MRPS25: variants seen among roughly 807,000 people sequenced by gnomAD.
MRPS25 encodes the protein mitochondrial ribosomal protein S25.
A neutral mutation model predicts 17.3 loss-of-function variants in MRPS25; 15 were observed. That is an observed-to-expected ratio of 0.87 (90% CI 0.58 to 1.34). The LOEUF is 1.34. Among genes scored for constraint, MRPS25 ranks in the 40% most tolerant of loss-of-function variants. The pLI, the probability that MRPS25 is intolerant of heterozygous loss-of-function variation, is 0.00. For synonymous variants in MRPS25, 94 were observed against 83.3 expected (o/e 1.13, Z -0.70); for missense variants, 225 against 218.6 (o/e 1.03, Z -0.19).
chr3:15,052,624 G>A lies in MRPS25; in HGVS notation c.339C>T (p.Leu113=). 3 of 1,613,792 alleles carry A rather than the reference G, an allele frequency of 1.9e-6. No individual in the cohort carries two copies. Among genetic ancestry groups the A allele is most frequent in the Non-Finnish European group, 2.5e-6 (3 of 1,179,872 alleles). Reference sequence around the variant, plus strand: ...GCTTTTTCTCCTCCTCCTCTTCCCTGAGGGTTTCCCTGCCAAAGAGCACAG... The same window carrying A: ...GCTTTTTCTCCTCCTCCTCTTCCCTAAGGGTTTCCCTGCCAAAGAGCACAG... ...RKILGKNEET[L]REEEEEKKQL... The change falls in exon 4 of 4, where the codon CTC becomes CTT. Residue 113 remains leucine, a synonymous_variant. Coordinates refer to ENST00000253686, the MANE Select transcript of MRPS25 (RefSeq NM_022497.5).
At position 15,059,463 on chromosome 3, in the gene MRPS25, A is replaced by G. The variant is rs1048238374; in HGVS notation, c.147T>C (p.Phe49=). Residue 49 remains phenylalanine (F), a synonymous_variant, in exon 2 of 4, where the codon TTT becomes TTC. Coordinates refer to ENST00000253686, the MANE Select transcript of MRPS25 (RefSeq NM_022497.5). The stretch of plus-strand genomic sequence containing the variant: ...TGTATTGAATCTGAGGTATGTTGAA[A>G]AACACAAACTTCCTGCAAAAGGGAA... ...ELGEGARKFV[F]FNIPQIQYKN... The G allele has an allele frequency of 2.0e-5, 32 of 1,611,878 alleles. No individual in the cohort carries two copies. In the Admixed American group the frequency reaches 4.0e-4, roughly 20 times the overall value.
intron 1 of MRPS25, among the ~76,000 whole-genome samples, chr3:15,061,083 A>G (rs1024341645): frequency 1.3e-5 from 2 of 152,160 alleles, no homozygotes; most frequent in African/African-American, 4.8e-5. Flanking sequence ...AAACTAGGAC[A>G]TAGCCAGGTG....
At chr3:15,046,000 A>G (rs1010893546), downstream of MRPS25, 4 of 152,256 alleles carry the variant, frequency 2.6e-5, no homozygotes, top group African/African-American at 9.6e-5. Context: ...ATCATTACAC[A>G]TTAGCATAAA....
At chr3:15,056,892 G>A (rs571759148) in intron 2 of MRPS25, among the ~76,000 whole-genome samples, 44 of 152,338 alleles carry the variant, frequency 2.9e-4, no homozygotes, top group Non-Finnish European at 5.0e-4. Context: ...AGTGCAACAC[G>A]GCACAATCGC....
rs923762428 is a variant in MRPS25, at chr3:15,051,874, G to A, written c.*567C>T. On this transcript the variant is annotated 3_prime_UTR_variant, in exon 4 of 4. Transcript: ENST00000253686. The stretch of plus-strand genomic sequence containing the variant: ...TGGGGCTCCTCCATCTCTGGCCCAT[G>A]GCTAGGCCCCCCAGCAGGCAAGGGT... 2.0e-6 allele frequency: 2 copies of A among 985,292 alleles called. No individual in the cohort carries two copies. The highest frequency in any genetic ancestry group is 6.2e-5 in the Admixed American group (1 of 16,254). The allele number at this position is 985,292 out of a possible 1,614,324, so 61.0% of individuals were successfully genotyped here.
At chr3:15,057,654 T>A (rs2042690443) in intron 2 of MRPS25, among the ~76,000 whole-genome samples, 1 of 152,252 alleles carries the variant, frequency 6.6e-6, no homozygotes, top group African/African-American at 2.4e-5. Context: ...AGGAACTTCC[T>A]GCAGTGCTGG....
At chr3:15,058,213 G>A (rs538662698) in intron 2 of MRPS25, among the ~76,000 whole-genome samples, 103 of 146,266 alleles carry the variant, frequency 7.0e-4, no homozygotes, top group African/African-American at 2.4e-3. Flanking sequence ...TTTTTGAGAC[G>A]GAGTCTTGCT....
intron 2 of MRPS25, among the ~76,000 whole-genome samples, chr3:15,056,876 G>A (rs1172317171): frequency 2.0e-5 from 3 of 152,260 alleles, no homozygotes; most frequent in Non-Finnish European, 4.4e-5. Context: ...TCCACCCTGT[G>A]ACTGGAGTGC....
Position 15,049,653 on chromosome 3 carries a change from A to G in MRPS25, c.*2788T>C. On this transcript the variant is annotated 3_prime_UTR_variant, in exon 4 of 4. Transcript: ENST00000253686. ...TCTAAGGATACGTGCTATCAAGGGCAAAAACAAGCTCCAAAAGTTTCAGAA... is the reference window on the plus strand; with the variant it reads ...TCTAAGGATACGTGCTATCAAGGGCGAAAACAAGCTCCAAAAGTTTCAGAA... 1 of 534,676 alleles carries G rather than the reference A, an allele frequency of 1.9e-6. No homozygotes were observed. The highest frequency in any genetic ancestry group is 2.6e-5 in the South Asian group (1 of 38,940). 33.1% of individuals were successfully genotyped at this position (534,676 alleles called of 1,614,324 possible).
chr3:15,052,554 G>A lies in MRPS25; in HGVS notation c.409C>T (p.Arg137Trp), dbSNP rs12497. The change falls in exon 4 of 4, where the codon CGG becomes TGG. Residue 137 changes from arginine to tryptophan, a missense_variant. Physicochemically the swap from Arg to Trp is moderately radical, Grantham distance 101. Transcript: ENST00000253686. ...CCTTCCACTTCACAGATGCACTCCC[G>A]CAGGCAGTACTTTCGAGGGCCGAAG... ...ANFGPRKYCL[R>W]ECICEVEGQV... The A allele has an allele frequency of 1.5e-4, 243 of 1,614,110 alleles. No individual in the cohort carries two copies. The African/African-American group carries it at 1.8e-3, about 12-fold the overall frequency.
chr3:15,054,350 C>T (rs1057117775), intron 2 of MRPS25, among the ~76,000 whole-genome samples: 3 of 152,124 alleles, frequency 2.0e-5, no homozygotes, highest in South Asian at 2.1e-4. Flanking sequence ...CAACAAATGG[C>T]GCTGGGATAA....
chr3:15,049,475 C>T lies in MRPS25; in HGVS notation c.*2966G>A, dbSNP rs2042568481. On this transcript the variant is annotated 3_prime_UTR_variant, in exon 4 of 4. Transcript: ENST00000253686. ...ACTTATTAATACCTTTAGTGGGAAA[C>T]CCTGGCAGGACAGTCTTTACATCCA... is the stretch of plus-strand genomic sequence containing the variant. 4.8e-6 allele frequency: 1 copy of T among 208,282 alleles called. No individual in the cohort carries two copies. Among genetic ancestry groups the T allele is most frequent in the Admixed American group, 6.2e-5 (1 of 16,212 alleles). The allele number at this position is 208,282 out of a possible 1,614,324, so 12.9% of individuals were successfully genotyped here. A position where few individuals can be genotyped will look rare whatever the true frequency, so the allele number is the denominator to read the frequency against.
At chr3:15,055,898 C>G (rs2042665012) in intron 2 of MRPS25, among the ~76,000 whole-genome samples, 1 of 127,200 alleles carries the variant, frequency 7.9e-6, no homozygotes, top group South Asian at 2.3e-4. Flanking sequence ...AAGAAAGCAG[C>G]CCGTTTTTTT....
downstream of MRPS25, chr3:15,043,155 A>G (rs2042330809): frequency 3.3e-6 from 2 of 612,024 alleles, no homozygotes; most frequent in Non-Finnish European, 5.0e-6. Flanking sequence ...AATCCCAGAC[A>G]ATAGCAATTA....
rs1481761473 is a variant in MRPS25, at chr3:15,049,766, T to C, written c.*2675A>G. On this transcript the variant is annotated 3_prime_UTR_variant, in exon 4 of 4. Transcript: ENST00000253686. ...AAGTCTGATGCATGACAGAACTCAC[T>C]GGCAGGCAGATAGGGCCTCACTCCG... 2 of 672,632 alleles carry C rather than the reference T, an allele frequency of 3.0e-6. No individual in the cohort carries two copies. The highest frequency in any genetic ancestry group is 3.7e-5 in the African/African-American group (2 of 54,034). 41.7% of individuals were successfully genotyped at this position (672,632 alleles called of 1,614,324 possible).
chr3:15,057,126 G>GC (rs923493637), intron 2 of MRPS25, among the ~76,000 whole-genome samples: 1 of 152,228 alleles, frequency 6.6e-6, no homozygotes, highest in African/African-American at 2.4e-5. Context: ...TGAGCTGACA[G>GC]CCCTGTGGAG....
chr3:15,053,250 G>A (rs544186319), intron 3 of MRPS25, 130 bp downstream of exon 3: 2 of 1,511,482 alleles, frequency 1.3e-6, no homozygotes, highest in African/African-American at 2.8e-5. Context: ...TACAGCCCCA[G>A]CTCTTATTAG....
At chr3:15,048,298 T>A (rs968489101), downstream of MRPS25, 1 of 152,666 alleles carries the variant, frequency 6.6e-6, no homozygotes, top group African/African-American at 2.4e-5. Flanking sequence ...ACAATCACGC[T>A]ATTGAAAGTG....
rs1189194817 is a variant in MRPS25, at chr3:15,051,956, A to G, written c.*485T>C. The stretch of plus-strand genomic sequence containing the variant: ...ACGAAGGGTTGCCTTTGGATTTCTG[A>G]AAAATACCCCCAAGGAACTGAACGG... On this transcript the variant is annotated 3_prime_UTR_variant, in exon 4 of 4. Coordinates refer to ENST00000253686, the MANE Select transcript of MRPS25 (RefSeq NM_022497.5). 3.5e-5 allele frequency: 35 copies of G among 986,090 alleles called. No individual in the cohort carries two copies. The highest frequency in any genetic ancestry group is 4.2e-5 in the Non-Finnish European group (35 of 830,540). 61.1% of individuals were successfully genotyped at this position (986,090 alleles called of 1,614,324 possible). A position where few individuals can be genotyped will look rare whatever the true frequency, so the allele number is the denominator to read the frequency against.
Sources: allele counts gnomAD v4.1 joint callset (sites outside exome capture counted in the v4.1 genomes callset), GRCh38; gene constraint gnomAD v4.1.1; transcripts MANE v1.5; gene names NCBI Gene and HGNC (gene_info 2026-07-23, HGNC 2026-07-21).